NCKAP5: variants seen among roughly 807,000 people sequenced by gnomAD.
The protein encoded by NCKAP5 is nck-associated protein 5.
In NCKAP5, 92 loss-of-function variants were observed where a neutral mutation model predicts 167.0. That is an observed-to-expected ratio of 0.55 (90% CI 0.47 to 0.66). The LOEUF is 0.66. NCKAP5 is among the 30% of genes least tolerant of loss of function. The pLI is 0.00. For missense variants in NCKAP5, 2,378 were observed against 2,315.0 expected (o/e 1.03, Z -0.56); for synonymous variants, 891 against 877.4 (o/e 1.02, Z -0.27).
chr2:133,020,537 A>C (rs1274835976), intron 6 of NCKAP5, among the ~76,000 whole-genome samples: 2 of 152,238 alleles, frequency 1.3e-5, no homozygotes, highest in East Asian at 3.8e-4. Flanking sequence ...GTTCAGGGGA[A>C]GTGGTTTCAC....
chr2:133,505,314 C>T (rs1010369256), intron 3 of NCKAP5, among the ~76,000 whole-genome samples: 2 of 152,092 alleles, frequency 1.3e-5, no homozygotes, highest in African/African-American at 2.4e-5. Flanking sequence ...GTAGTAAACA[C>T]CTGGGTAAAC....
intron 8 of NCKAP5, among the ~76,000 whole-genome samples, chr2:132,950,017 CTG>C (rs2076137648): frequency 6.6e-6 from 1 of 152,286 alleles, no homozygotes; most frequent in Non-Finnish European, 1.5e-5. Context: ...TCGCTGGAAA[CTG>C]AGAGATGGAG....
chr2:133,273,423 C>A (rs1362561825), intron 4 of NCKAP5, among the ~76,000 whole-genome samples: 1 of 151,826 alleles, frequency 6.6e-6, no homozygotes, highest in African/African-American at 2.4e-5. Context: ...GGGCTCATTA[C>A]CCAATCTTCA....
intron 6 of NCKAP5, among the ~76,000 whole-genome samples, chr2:133,103,737 A>G (rs1466102981): frequency 1.3e-5 from 2 of 152,152 alleles, no homozygotes; most frequent in African/African-American, 4.8e-5. Context: ...CTATGATTAC[A>G]CTGCTGCACT....
intron 19 of NCKAP5, among the ~76,000 whole-genome samples, chr2:132,698,365 C>T (rs1687543214): frequency 6.6e-6 from 1 of 152,178 alleles, no homozygotes; most frequent in Non-Finnish European, 1.5e-5. Context: ...GCACAAAAGG[C>T]AGACATACTG....
intron 5 of NCKAP5, among the ~76,000 whole-genome samples, chr2:133,157,176 T>C (rs1176227662): frequency 4.6e-5 from 7 of 152,236 alleles, no homozygotes; most frequent in African/African-American, 1.7e-4. Flanking sequence ...TTTTATTGCT[T>C]TTGAATGTAA....
intron 3 of NCKAP5, among the ~76,000 whole-genome samples, chr2:133,454,982 T>C (rs1691757529): frequency 6.6e-6 from 1 of 152,070 alleles, no homozygotes; most frequent in Admixed American, 6.6e-5. Flanking sequence ...ATACTCAACT[T>C]TAATATTTAA....
the NCKAP5 span, among the ~76,000 whole-genome samples, chr2:133,583,027 T>C: frequency 6.6e-6 from 1 of 152,218 alleles, no homozygotes; most frequent in African/African-American, 2.4e-5. Flanking sequence ...TGTAAACTGA[T>C]ACAACCTTTC....
chr2:133,199,707 T>A (rs1216586352), intron 5 of NCKAP5, among the ~76,000 whole-genome samples: 1 of 151,952 alleles, frequency 6.6e-6, no homozygotes, highest in Admixed American at 6.6e-5. Flanking sequence ...GCAATTTCAC[T>A]CCTAGGTATT....
chr2:133,523,202 T>A (rs1684615950), intron 2 of NCKAP5, among the ~76,000 whole-genome samples: 1 of 152,098 alleles, frequency 6.6e-6, no homozygotes, highest in Non-Finnish European at 1.5e-5. Context: ...TTCTATTTTC[T>A]GATATACTTC....
intron 2 of NCKAP5, 70 bp from the exon 3 acceptor site, chr2:133,517,657 A>C (rs1007210872): frequency 6.4e-6 from 3 of 471,608 alleles, no homozygotes; most frequent in Non-Finnish European, 7.2e-6. Flanking sequence ...TAACTCTCTA[A>C]CCAGAAACAA....
intron 3 of NCKAP5, among the ~76,000 whole-genome samples, chr2:133,393,837 T>A (rs556939166): frequency 6.6e-6 from 1 of 152,282 alleles, no homozygotes; most frequent in East Asian, 1.9e-4. Context: ...GGAAGGAAAA[T>A]TGCTGTGCTT....
chr2:132,809,082 G>A (rs1685658934), intron 11 of NCKAP5, among the ~76,000 whole-genome samples: 1 of 152,078 alleles, frequency 6.6e-6, no homozygotes, highest in Non-Finnish European at 1.5e-5. Context: ...GGTTTTGAAG[G>A]TTCCTTTTGG....
Position 133,446,637 on chromosome 2 carries a change from C to A in NCKAP5, c.69+70821G>T, listed in dbSNP as rs186357412. 1.2e-3 allele frequency among the ~76,000 whole-genome samples: 182 copies of A among 152,288 alleles called. 1 individual carries two copies. The highest frequency in any genetic ancestry group is 1.4e-3 in the Non-Finnish European group (95 of 68,028). ...TGCTCTGCTGCCGCTCTATCATGAG[C>A]CTCGTCCTGAGCATGCTGCTTGATT... On this transcript the variant is annotated intron_variant, in intron 3 of 19. Transcript: ENST00000409261.
At chr2:133,529,146 T>G (rs1466206126) in intron 2 of NCKAP5, among the ~76,000 whole-genome samples, 1 of 152,160 alleles carries the variant, frequency 6.6e-6, no homozygotes, top group African/African-American at 2.4e-5. Context: ...TTTTTTTTAT[T>G]TTGTAAAAAA....
intron 3 of NCKAP5, among the ~76,000 whole-genome samples, chr2:133,487,525 G>T (rs770748697): frequency 2.0e-5 from 3 of 152,100 alleles, no homozygotes; most frequent in African/African-American, 4.8e-5. Flanking sequence ...AGATTAAGCG[G>T]TCTCTAAAAA....
At chr2:133,080,962 C>T (rs890323266) in intron 6 of NCKAP5, among the ~76,000 whole-genome samples, 4 of 152,078 alleles carry the variant, frequency 2.6e-5, no homozygotes, top group Non-Finnish European at 5.9e-5. Context: ...GCAGACAGAG[C>T]AGACTGTTCT....
chr2:133,634,027 G>T, the NCKAP5 span, among the ~76,000 whole-genome samples: 1 of 152,160 alleles, frequency 6.6e-6, no homozygotes, highest in African/African-American at 2.4e-5. Flanking sequence ...GATTGAGATT[G>T]TTACCAGCCA....
intron 8 of NCKAP5, among the ~76,000 whole-genome samples, chr2:132,920,594 T>G (rs576309638): frequency 1.8e-4 from 27 of 146,654 alleles, no homozygotes; most frequent in African/African-American, 6.6e-4. Context: ...TTCCATAGCA[T>G]GAGGCCTGGT....
Sources: allele counts gnomAD v4.1 joint callset (sites outside exome capture counted in the v4.1 genomes callset), GRCh38; gene constraint gnomAD v4.1.1; transcripts MANE v1.5; gene names NCBI Gene and HGNC (gene_info 2026-07-23, HGNC 2026-07-21).